Variants in OPA1 observed in about 807,000 individuals in gnomAD.
OPA1 encodes dynamin-like GTPase OPA1, mitochondrial.
OPA1 carries 59 observed loss-of-function variants against 152.9 expected under a neutral mutation model. That is an observed-to-expected ratio of 0.39 (90% confidence interval 0.31 to 0.48). The LOEUF is 0.48. Ranked by LOEUF, OPA1 falls within the 20% of genes least tolerant of loss-of-function variation. The probability of loss-of-function intolerance (pLI) is 0.96; values close to 1 mark genes in which losing one functional copy is unlikely to be tolerated. For missense variants in OPA1, 1,008 were observed against 1,216.8 expected (o/e 0.83, Z 2.55); for synonymous variants, 400 against 389.9 (o/e 1.03, Z -0.31).
intron 1 of OPA1, among the ~76,000 whole-genome samples, chr3:193,606,592 T>G (rs1279904529): frequency 2.0e-5 from 3 of 152,172 alleles, no homozygotes; most frequent in African/African-American, 7.2e-5. Flanking sequence ...CAAAGGACAT[T>G]AACTCATCAT....
intron 22 of OPA1, among the ~76,000 whole-genome samples, chr3:193,656,313 T>C (rs540946002): frequency 1.3e-5 from 2 of 152,292 alleles, no homozygotes; most frequent in South Asian, 4.2e-4. Flanking sequence ...ATCTTAATAC[T>C]CACCCCACCA....
rs569139501 is a variant in OPA1, at chr3:193,622,887, G to A, written c.679-3205G>A. ...ATCTGGTTGATGCCAACAAAATTTTGGTCCCCTCAATTTTTTGCTCTCATT... is the reference window on the plus strand; with the variant it reads ...ATCTGGTTGATGCCAACAAAATTTTAGTCCCCTCAATTTTTTGCTCTCATT... On this transcript the variant is annotated intron_variant, in intron 6 of 30. Transcript: ENST00000361510. Among the ~76,000 whole-genome samples, 329 of 152,000 alleles carry A rather than the reference G, an allele frequency of 2.2e-3. 2 individuals are homozygous for A. The highest frequency in any genetic ancestry group is 3.9e-3 in the Non-Finnish European group (265 of 67,990).
At position 193,639,109 on chromosome 3, in the gene OPA1, A is replaced by G. The variant is rs149124357; in HGVS notation, c.1149+1044A>G. Among the ~76,000 whole-genome samples, 865 of 152,224 alleles carry G rather than the reference A, an allele frequency of 5.7e-3. 11 individuals are homozygous for G. The highest frequency in any genetic ancestry group is 0.019 in the African/African-American group (809 of 41,546). On this transcript the variant is annotated intron_variant, in intron 11 of 30. Coordinates refer to ENST00000361510, the MANE Select transcript of OPA1 (RefSeq NM_130837.3). ...TAGTCCATATCTGGGAGCACTGACAATTTCTCCAGGGTCACAGGAAGAAGG... is the reference window on the plus strand; with the variant it reads ...TAGTCCATATCTGGGAGCACTGACAGTTTCTCCAGGGTCACAGGAAGAAGG...
At chr3:193,599,515 C>A (rs181812369) in intron 1 of OPA1, among the ~76,000 whole-genome samples, 4 of 151,734 alleles carry the variant, frequency 2.6e-5, no homozygotes, top group African/African-American at 9.7e-5. Flanking sequence ...GGTGCAGTAT[C>A]ATCCTGGGGC....
chr3:193,679,610 T>G (rs2109385346), intron 29 of OPA1, among the ~76,000 whole-genome samples: 1 of 152,272 alleles, frequency 6.6e-6, no homozygotes, highest in Non-Finnish European at 1.5e-5. Context: ...TTTTAAAGAA[T>G]TGTTTAGGTA....
chr3:193,643,019 T>C lies in OPA1; in HGVS notation c.1275T>C (p.Asn425=). The C allele has an allele frequency of 6.2e-7, 1 of 1,613,920 alleles. No homozygotes were observed. Among genetic ancestry groups the C allele is most frequent in the Non-Finnish European group, 8.5e-7 (1 of 1,179,820 alleles). ...RHEIELRMRK[N]VKEGCTVSPE... The stretch of plus-strand genomic sequence containing the variant: ...AAATAGAACTTCGAATGAGGAAAAA[T>C]GTGAAAGAAGGCTGTACCGTTAGCC... Residue 425 remains asparagine (N), a synonymous_variant, in exon 13 of 31, where the codon AAT becomes AAC. Transcript: ENST00000361510.
In OPA1 at chr3:193,622,309, A is replaced by G. The variant is rs1730267420; in HGVS notation, c.678+3373A>G. On this transcript the variant is annotated intron_variant, in intron 6 of 30. Transcript: ENST00000361510. ...AGTGGTACGATCTTGGCCCACTGCA[A>G]CCTCTGCCTCCCGGGTTCAAGCGAT... Among the ~76,000 whole-genome samples, 10 of 142,068 alleles carry G rather than the reference A, an allele frequency of 7.0e-5. No individual in the cohort carries two copies. In the South Asian group the frequency reaches 2.2e-3, roughly 31 times the overall value. 93.2% of individuals were successfully genotyped at this position (142,068 alleles called of 152,430 possible).
intron 11 of OPA1, among the ~76,000 whole-genome samples, chr3:193,641,890 G>A (rs1258557628): frequency 6.6e-6 from 1 of 152,162 alleles, no homozygotes; most frequent in East Asian, 1.9e-4. Flanking sequence ...TGAGGAGGGC[G>A]GATCACCTGA....
At chr3:193,676,979 C>CAAA (rs151218523) in intron 29 of OPA1, among the ~76,000 whole-genome samples, 21 of 70,818 alleles carry the variant, frequency 3.0e-4, no homozygotes, top group African/African-American at 6.8e-4. Flanking sequence ...AGACTCGTCT[C>CAAA]AAAAAAAAAA....
chr3:193,629,867 A>G (rs1731801416), intron 7 of OPA1, among the ~76,000 whole-genome samples: 1 of 152,156 alleles, frequency 6.6e-6, no homozygotes, highest in Non-Finnish European at 1.5e-5. Flanking sequence ...TTCTATAATA[A>G]TTTAGGATAT....
At chr3:193,678,357 A>G (rs928749606) in intron 29 of OPA1, among the ~76,000 whole-genome samples, 1 of 151,770 alleles carries the variant, frequency 6.6e-6, no homozygotes, top group Non-Finnish European at 1.5e-5. Flanking sequence ...GAGCTAGTGT[A>G]TATGCATTGT....
intron 30 of OPA1, among the ~76,000 whole-genome samples, chr3:193,692,565 T>G (rs1721832280): frequency 6.6e-6 from 1 of 152,224 alleles, no homozygotes; most frequent in Non-Finnish European, 1.5e-5. Flanking sequence ...AATCCTTATC[T>G]CTTTTGTTTA....
Position 193,648,129 on chromosome 3 carries a change from G to T in OPA1, c.1930G>T (p.Asp644Tyr). Reference protein sequence around the residue: ...KNNYPRLRELDRNELFEKAKN... With the variant: ...KNNYPRLRELYRNELFEKAKN... ...TAACTATCCTCGCCTGCGGGAACTT[G>T]ACCGGGTAATATTTGGATACTCGTG... Residue 644 changes from aspartate (D) to tyrosine (Y), a missense_variant, in exon 20 of 31, where the codon GAC becomes TAC. Asp to Tyr is a radical substitution (Grantham distance 160, BLOSUM62 -3). Coordinates refer to ENST00000361510, the MANE Select transcript of OPA1 (RefSeq NM_130837.3). 1 of 1,609,152 alleles carries T rather than the reference G, an allele frequency of 6.2e-7. No individual in the cohort carries two copies. Among genetic ancestry groups the T allele is most frequent in the South Asian group, 1.1e-5 (1 of 90,934 alleles).
intron 1 of OPA1, among the ~76,000 whole-genome samples, chr3:193,611,760 C>T (rs1728282972): frequency 1.3e-5 from 2 of 152,112 alleles, no homozygotes; most frequent in South Asian, 4.1e-4. Context: ...GCAGGGAATA[C>T]TCCTTGCTGT....
At chr3:193,618,050 A>T (rs907047506) in intron 5 of OPA1, among the ~76,000 whole-genome samples, 16 of 152,246 alleles carry the variant, frequency 1.1e-4, no homozygotes, top group African/African-American at 3.6e-4. Context: ...ATGTATGTGT[A>T]TTATAAGATT....
chr3:193,658,484 C>G (rs147727644), intron 23 of OPA1, among the ~76,000 whole-genome samples: 36 of 152,172 alleles, frequency 2.4e-4, no homozygotes, highest in Admixed American at 3.9e-4. Context: ...TTTTTCTCCT[C>G]ATTTTTGAAA....
chr3:193,612,539 G>C (rs1728416086), intron 1 of OPA1, among the ~76,000 whole-genome samples: 1 of 152,084 alleles, frequency 6.6e-6, no homozygotes, highest in Non-Finnish European at 1.5e-5. Context: ...ACATCCCACT[G>C]TATTTGTGGG....
chr3:193,676,959 T>G (rs188708922), intron 29 of OPA1, among the ~76,000 whole-genome samples: 6 of 120,100 alleles, frequency 5.0e-5, no homozygotes, highest in Non-Finnish European at 6.4e-5. Flanking sequence ...CCAGCCTGGG[T>G]GACAGAGCAA....
chr3:193,606,139 T>A (rs536827261), intron 1 of OPA1, among the ~76,000 whole-genome samples: 169 of 152,238 alleles, frequency 1.1e-3, no homozygotes, highest in African/African-American at 3.8e-3. Flanking sequence ...GACAATCCCT[T>A]TTCCAGTGCC....
Sources: gnomAD v4.1 joint callset for allele counts (sites outside exome capture counted in the v4.1 genomes callset) on GRCh38, gnomAD v4.1.1 for gene constraint, MANE v1.5 for transcripts, NCBI Gene and HGNC (gene_info 2026-07-23, HGNC 2026-07-21) for gene names.